CAST: variants seen among roughly 807,000 people sequenced by gnomAD.
CAST encodes calpastatin, also known as MIR583 host.
A neutral mutation model predicts 119.6 loss-of-function variants in CAST; 76 were observed. That is an observed-to-expected ratio of 0.64 (90% confidence interval 0.53 to 0.77). CAST has a LOEUF of 0.77. CAST is among the 30% of genes least tolerant of loss of function. CAST has a pLI of 0.00. For missense variants in CAST, 953 were observed against 946.5 expected (o/e 1.01, Z -0.09); for synonymous variants, 319 against 331.6 (o/e 0.96, Z 0.41).
At chr5:96,619,013 A>C (rs976868878) in intron 1 of CAST, among the ~76,000 whole-genome samples, 1 of 151,416 alleles carries the variant, frequency 6.6e-6, no homozygotes, top group Non-Finnish European at 1.5e-5. Context: ...CTTGGGGTTC[A>C]TGGATGCATC....
chr5:96,467,393 A>T, the CAST span, among the ~76,000 whole-genome samples: 1 of 152,056 alleles, frequency 6.6e-6, no homozygotes, highest in Admixed American at 6.6e-5. Flanking sequence ...TAAGTTAGAA[A>T]GACTTCCCCT....
chr5:96,642,301 A>G (rs757042147), intron 1 of CAST, among the ~76,000 whole-genome samples: 4 of 152,198 alleles, frequency 2.6e-5, no homozygotes, highest in Non-Finnish European at 5.9e-5. Context: ...ATGGTACATA[A>G]TATGTCCTCA....
At chr5:96,310,578 T>C in the CAST span, among the ~76,000 whole-genome samples, 1 of 147,354 alleles carries the variant, frequency 6.8e-6, no homozygotes, top group African/African-American at 2.5e-5. Flanking sequence ...TTTTTTTAAA[T>C]GGGAGACTAT....
At chr5:96,057,875 A>T in the CAST span, among the ~76,000 whole-genome samples, 1 of 152,222 alleles carries the variant, frequency 6.6e-6, no homozygotes, top group African/African-American at 2.4e-5. Context: ...TTTTGGTTTC[A>T]TTGTGGCAAG....
the CAST span, among the ~76,000 whole-genome samples, chr5:96,034,542 TTA>T: frequency 2.9e-5 from 4 of 138,154 alleles, no homozygotes; most frequent in Non-Finnish European, 4.7e-5. Flanking sequence ...ATATATTCCA[TTA>T]TATATATATA....
At chr5:96,030,510 G>A in the CAST span, among the ~76,000 whole-genome samples, 1 of 152,164 alleles carries the variant, frequency 6.6e-6, no homozygotes, top group Non-Finnish European at 1.5e-5. Context: ...TGACTGGTAG[G>A]GATAGGCTCA....
chr5:96,691,985 C>T (rs981591241), intron 2 of CAST, among the ~76,000 whole-genome samples: 1 of 152,156 alleles, frequency 6.6e-6, no homozygotes. Context: ...TTCTGATTGA[C>T]TCAGTAAAAA....
At chr5:96,253,063 A>G in the CAST span, among the ~76,000 whole-genome samples, 1 of 152,160 alleles carries the variant, frequency 6.6e-6, no homozygotes, top group Non-Finnish European at 1.5e-5. Context: ...AAGAGGCCAG[A>G]TACTTTTTTA....
chr5:96,131,853 C>G, the CAST span, among the ~76,000 whole-genome samples: 1 of 152,054 alleles, frequency 6.6e-6, no homozygotes, highest in Non-Finnish European at 1.5e-5. Context: ...ACAGGGAGGA[C>G]CCAAAACAAG....
the CAST span, among the ~76,000 whole-genome samples, chr5:96,220,139 G>A: frequency 2.6e-5 from 4 of 152,170 alleles, no homozygotes; most frequent in East Asian, 1.9e-4. Context: ...CTAATGGGAC[G>A]TGAGGAGAAG....
the CAST span, among the ~76,000 whole-genome samples, chr5:96,164,951 T>C: frequency 2.0e-5 from 3 of 151,990 alleles, no homozygotes; most frequent in African/African-American, 4.8e-5. Flanking sequence ...GCCTTGGTAG[T>C]GGGGTGGAAC....
the CAST span, among the ~76,000 whole-genome samples, chr5:96,418,403 A>T: frequency 6.6e-6 from 1 of 152,194 alleles, no homozygotes; most frequent in Non-Finnish European, 1.5e-5. Context: ...TCCTTGTCAC[A>T]TTTGTTATTT....
the CAST span, among the ~76,000 whole-genome samples, chr5:96,442,204 C>T: frequency 6.6e-6 from 1 of 152,190 alleles, no homozygotes; most frequent in Admixed American, 6.5e-5. Flanking sequence ...TATTTGAGTC[C>T]TCTCTACCCC....
chr5:96,478,565 C>A, the CAST span, among the ~76,000 whole-genome samples: 1 of 152,242 alleles, frequency 6.6e-6, no homozygotes, highest in Admixed American at 6.5e-5. Context: ...TCACTCTTTG[C>A]TCTTTCTGTT....
chr5:96,434,823 G>A, the CAST span, among the ~76,000 whole-genome samples: 1 of 152,162 alleles, frequency 6.6e-6, no homozygotes, highest in Non-Finnish European at 1.5e-5. Context: ...TTGCCTCCAC[G>A]TTTGCAGAAA....
At chr5:96,453,579 T>C in the CAST span, among the ~76,000 whole-genome samples, 17 of 152,316 alleles carry the variant, frequency 1.1e-4, no homozygotes, top group Admixed American at 1.0e-3. Flanking sequence ...CGAGCACTGA[T>C]AGAAGAGATC....
At chr5:96,374,960 G>T in the CAST span, among the ~76,000 whole-genome samples, 1 of 152,160 alleles carries the variant, frequency 6.6e-6, no homozygotes, top group South Asian at 2.1e-4. Flanking sequence ...GATGGGCATT[G>T]TTCCTGTATT....
intron 3 of CAST, among the ~76,000 whole-genome samples, chr5:96,710,924 A>T (rs934166018): frequency 4.0e-5 from 6 of 151,772 alleles, no homozygotes; most frequent in Admixed American, 3.9e-4. Flanking sequence ...ATGGAGGTTT[A>T]ATCTCTCTTG....
At chr5:96,071,412 A>G in the CAST span, among the ~76,000 whole-genome samples, 3 of 152,078 alleles carry the variant, frequency 2.0e-5, no homozygotes, top group Non-Finnish European at 4.4e-5. Flanking sequence ...TAGCACTCGT[A>G]TATCAGTCCC....
Sources: gnomAD v4.1 joint callset for allele counts (sites outside exome capture counted in the v4.1 genomes callset) on GRCh38, gnomAD v4.1.1 for gene constraint, MANE v1.5 for transcripts, NCBI Gene and HGNC (gene_info 2026-07-23, HGNC 2026-07-21) for gene names.